Variants in ATP6V1H observed in about 807,000 individuals in gnomAD.
ATP6V1H encodes the protein V-type proton ATPase subunit H.
Under a neutral mutation model 71.7 loss-of-function variants are expected in ATP6V1H, and 39 were observed. The ratio of observed to expected loss-of-function variants is 0.54; its 90% CI spans 0.42 to 0.71. ATP6V1H has a LOEUF of 0.71. Among genes scored for constraint, ATP6V1H ranks in the 30% least tolerant of loss-of-function variants. The pLI is 0.00. For missense variants in ATP6V1H, 509 were observed against 594.9 expected (o/e 0.86, Z 1.50); for synonymous variants, 192 against 199.3 (o/e 0.96, Z 0.31).
chr8:53,791,747 C>T (rs1211243994), intron 9 of ATP6V1H, among the ~76,000 whole-genome samples: 1 of 152,226 alleles, frequency 6.6e-6, no homozygotes, highest in African/African-American at 2.4e-5. Flanking sequence ...TGGCTGTCCG[C>T]CTCTCTTCTA....
intron 2 of ATP6V1H, among the ~76,000 whole-genome samples, chr8:53,840,148 G>A (rs1430748919): frequency 2.0e-5 from 3 of 152,144 alleles, no homozygotes; most frequent in Non-Finnish European, 4.4e-5. Context: ...AGAATTACTT[G>A]TCTTTTTTAT....
At chr8:53,806,779 G>A in intron 7 of ATP6V1H, 1 of 444,218 alleles carries the variant, frequency 2.3e-6, no homozygotes, top group Non-Finnish European at 4.5e-6. Context: ...TATATCTCCA[G>A]GCAATCCTTC....
intron 2 of ATP6V1H, among the ~76,000 whole-genome samples, chr8:53,835,494 T>C (rs1811130686): frequency 6.6e-6 from 1 of 152,202 alleles, no homozygotes; most frequent in Admixed American, 6.5e-5. Flanking sequence ...ACCTTGATTA[T>C]TACATATTCA....
chr8:53,831,995 T>C (rs1167804845), intron 3 of ATP6V1H: 1 of 152,100 alleles, frequency 6.6e-6, no homozygotes, highest in Non-Finnish European at 1.5e-5. Flanking sequence ...CAGTATAGAA[T>C]TAGTTTAGAT....
chr8:53,830,633 A>T (rs1223788064), intron 3 of ATP6V1H, among the ~76,000 whole-genome samples: 2 of 152,222 alleles, frequency 1.3e-5, no homozygotes, highest in African/African-American at 4.8e-5. Context: ...TTGTTTGGAT[A>T]AAAAGCTTCC....
At position 53,829,713 on chromosome 8, in the gene ATP6V1H, T is replaced by C. The variant is rs559175577; in HGVS notation, c.217-180A>G. Among the ~76,000 whole-genome samples, 3 of 152,330 alleles carry C rather than the reference T, an allele frequency of 2.0e-5. No homozygotes were observed. In the East Asian group the frequency reaches 5.8e-4, roughly 29 times the overall value. ...GATGAAGTATGAGAGGACCTTACTA[T>C]GGCTTGTATCAGCTTGTGAACATTT... On this transcript the variant is annotated intron_variant, in intron 3 of 13. Transcript: ENST00000359530.
chr8:53,787,170 G>A (rs927494167), intron 9 of ATP6V1H, among the ~76,000 whole-genome samples: 2 of 152,124 alleles, frequency 1.3e-5, no homozygotes, highest in African/African-American at 4.8e-5. Context: ...TAAAAATGCT[G>A]TATTAAAGGA....
chr8:53,715,990 G>A lies in ATP6V1H; in HGVS notation c.1426C>T (p.Pro476Ser). 6.2e-7 allele frequency: 1 copy of A among 1,607,926 alleles called. No homozygotes were observed. Among genetic ancestry groups the A allele is most frequent in the Non-Finnish European group, 8.5e-7 (1 of 1,177,948 alleles). Residue 476 changes from proline to serine, a missense_variant, in exon 14 of 14, where the codon CCC (proline) becomes TCC (serine). Around this residue, in one of 2 missense-constraint regions of ATP6V1H, gnomAD observed 212 missense variants for 291.6 expected, o/e 0.73. Coordinates refer to ENST00000359530, the MANE Select transcript of ATP6V1H (RefSeq NM_015941.4). ...YLGKQLQSEQ[P>S]QTAAARS ...TAGCTTCGGGCGGCAGCGGTCTGGGGCTGCTCGGACTGGAGCTGCTTGCCA... is the reference window on the plus strand; with the variant it reads ...TAGCTTCGGGCGGCAGCGGTCTGGGACTGCTCGGACTGGAGCTGCTTGCCA...
At chr8:53,804,958 A>G (rs1322478036) in intron 7 of ATP6V1H, among the ~76,000 whole-genome samples, 1 of 152,234 alleles carries the variant, frequency 6.6e-6, no homozygotes, top group Non-Finnish European at 1.5e-5. Context: ...CAACTACAGT[A>G]TTCACCTTCC....
intron 9 of ATP6V1H, among the ~76,000 whole-genome samples, chr8:53,789,859 T>C (rs1230984095): frequency 6.6e-6 from 1 of 152,202 alleles, no homozygotes; most frequent in African/African-American, 2.4e-5. Context: ...CACTTCCACA[T>C]TAACTAATTA....
chr8:53,809,218 T>C (rs1810193436), intron 7 of ATP6V1H, among the ~76,000 whole-genome samples: 1 of 152,190 alleles, frequency 6.6e-6, no homozygotes, highest in Non-Finnish European at 1.5e-5. Context: ...TGACCTACAT[T>C]GAACAGGGAG....
chr8:53,718,759 T>A (rs1806517240), intron 13 of ATP6V1H, among the ~76,000 whole-genome samples: 1 of 152,294 alleles, frequency 6.6e-6, no homozygotes, highest in African/African-American at 2.4e-5. Flanking sequence ...CCTAAGTACG[T>A]GACACATAGA....
intron 9 of ATP6V1H, among the ~76,000 whole-genome samples, chr8:53,777,534 G>C (rs976513282): frequency 6.6e-6 from 1 of 151,732 alleles, no homozygotes; most frequent in Non-Finnish European, 1.5e-5. Flanking sequence ...CCAGAATAAA[G>C]GTAAACTAAA....
intron 12 of ATP6V1H, among the ~76,000 whole-genome samples, chr8:53,747,802 A>C (rs1023811887): frequency 6.6e-6 from 1 of 151,706 alleles, no homozygotes; most frequent in Non-Finnish European, 1.5e-5. Flanking sequence ...TCAGCCTCCC[A>C]AAGTGCTGGG....
At chr8:53,746,586 A>G (rs1276745522) in intron 12 of ATP6V1H, among the ~76,000 whole-genome samples, 1 of 152,214 alleles carries the variant, frequency 6.6e-6, no homozygotes, top group African/African-American at 2.4e-5. Flanking sequence ...TTTCTTAAGC[A>G]TTTAGTAAAC....
intron 8 of ATP6V1H, among the ~76,000 whole-genome samples, chr8:53,799,523 C>T (rs1809843706): frequency 6.6e-6 from 1 of 152,168 alleles, no homozygotes; most frequent in Non-Finnish European, 1.5e-5. Context: ...CTCAGAAAGA[C>T]GTGCTTACAA....
chr8:53,775,085 T>C (rs1037553812), intron 9 of ATP6V1H, among the ~76,000 whole-genome samples: 14 of 152,200 alleles, frequency 9.2e-5, no homozygotes, highest in Admixed American at 5.2e-4. Context: ...GATGTTCAGA[T>C]GTGTTCGGAG....
chr8:53,800,426 T>C (rs1285106377), intron 8 of ATP6V1H, among the ~76,000 whole-genome samples: 1 of 152,220 alleles, frequency 6.6e-6, no homozygotes, highest in Non-Finnish European at 1.5e-5. Flanking sequence ...AATTATTAGA[T>C]TATTCAGAAG....
chr8:53,723,400 T>C lies in ATP6V1H; in HGVS notation c.1392-7376A>G, dbSNP rs80304916. 4.3e-3 allele frequency among the ~76,000 whole-genome samples: 651 copies of C among 152,210 alleles called. 4 individuals are homozygous for C. The highest frequency in any genetic ancestry group is 0.014 in the Middle Eastern group (4 of 294). On this transcript the variant is annotated intron_variant, in intron 13 of 13. Transcript: ENST00000359530. ...TGGATCTGCAGCCTCCTTACTGGTC[T>C]TTTCCCTCTAGTCTTTTACAATCCA... is the stretch of plus-strand genomic sequence containing the variant.
Sources: allele counts gnomAD v4.1 joint callset (sites outside exome capture counted in the v4.1 genomes callset), GRCh38; gene constraint gnomAD v4.1.1; regional missense constraint gnomAD v4.1.1; transcripts MANE v1.5; gene names NCBI Gene and HGNC (gene_info 2026-07-23, HGNC 2026-07-21).